Variants in AIMP1 observed in about 807,000 individuals in gnomAD.
AIMP1 encodes aminoacyl tRNA synthetase complex interacting multifunctional protein 1.
Under a neutral mutation model 33.1 loss-of-function variants are expected in AIMP1, and 24 were observed. The observed-to-expected ratio is 0.73, with a 90% CI of 0.53 to 1.02. The LOEUF is 1.02. Ranked by LOEUF, AIMP1 falls within the 50% of genes least tolerant of loss-of-function variation. The pLI, the probability that AIMP1 is intolerant of heterozygous loss-of-function variation, is 0.00. For synonymous variants in AIMP1, 120 were observed against 121.5 expected (o/e 0.99, Z 0.08); for missense variants, 367 against 364.8 (o/e 1.01, Z -0.05).
At chr4:106,338,297 G>A (rs1369081808) in intron 6 of AIMP1, among the ~76,000 whole-genome samples, 1 of 152,214 alleles carries the variant, frequency 6.6e-6, no homozygotes, top group Non-Finnish European at 1.5e-5. Flanking sequence ...TGTCTCCAGG[G>A]CATTTCAAAG....
Position 106,324,457 on chromosome 4 carries a change from T to A in AIMP1, c.-25-528T>A, listed in dbSNP as rs577748291. On this transcript the variant is annotated intron_variant, in intron 1 of 6. Coordinates refer to ENST00000672341, the MANE Select transcript of AIMP1 (RefSeq NM_001142416.2). ...TTAAAATAAAGACAACGGTATATAC[T>A]GACATTATATCTGAACAAGCATATG... 2.6e-5 allele frequency among the ~76,000 whole-genome samples: 4 copies of A among 152,180 alleles called. No individual in the cohort carries two copies. The South Asian group carries it at 8.3e-4, about 32-fold the overall frequency.
chr4:106,335,642 G>T (rs972974861), intron 5 of AIMP1, among the ~76,000 whole-genome samples: 1 of 152,028 alleles, frequency 6.6e-6, no homozygotes, highest in African/African-American at 2.4e-5. Flanking sequence ...TCTCATATAC[G>T]TGACATTGTC....
chr4:106,332,150 T>G (rs577959420), intron 5 of AIMP1, among the ~76,000 whole-genome samples: 1 of 152,260 alleles, frequency 6.6e-6, no homozygotes, highest in Non-Finnish European at 1.5e-5. Flanking sequence ...ATTTTTACTT[T>G]TGTATTTTGC....
upstream of AIMP1, chr4:106,316,348 C>A: frequency 1.7e-6 from 1 of 576,056 alleles, no homozygotes; most frequent in Admixed American, 2.6e-5. Context: ...GAAAGAGGTG[C>A]GGGGGGACGG....
At chr4:106,346,168 CTTATA>C (rs755350594) in intron 6 of AIMP1, among the ~76,000 whole-genome samples, 1 of 151,936 alleles carries the variant, frequency 6.6e-6, no homozygotes, top group Non-Finnish European at 1.5e-5. Flanking sequence ...AGCTATTGAA[CTTATA>C]TTAAACTTTA....
chr4:106,320,431 G>T (rs969706614), intron 1 of AIMP1, among the ~76,000 whole-genome samples: 3 of 152,136 alleles, frequency 2.0e-5, no homozygotes, highest in Non-Finnish European at 4.4e-5. Context: ...TAAAGTTGGG[G>T]TCATGAACTT....
chr4:106,327,470 G>T lies in AIMP1; in HGVS notation c.129G>T (p.Arg43Ser). Reference sequence around the variant, plus strand: ...TCCTAGTTTTGCAGGCAACTTTGAGGGAAGAGAAGAAACTTCGAGTTGAAA... The same window carrying T: ...TCCTAGTTTTGCAGGCAACTTTGAGTGAAGAGAAGAAACTTCGAGTTGAAA... ...KEKAILQATL[R>S]EEKKLRVENA... The change falls in exon 3 of 7, where the codon AGG becomes AGT. Residue 43 changes from arginine (R) to serine (S), a missense_variant. Coordinates refer to ENST00000672341, the MANE Select transcript of AIMP1 (RefSeq NM_001142416.2). 1 of 1,612,286 alleles carries T rather than the reference G, an allele frequency of 6.2e-7. No individual in the cohort carries two copies. Among genetic ancestry groups the T allele is most frequent in the South Asian group, 1.1e-5 (1 of 91,012 alleles).
chr4:106,343,939 C>G (rs1463205889), intron 6 of AIMP1, among the ~76,000 whole-genome samples: 1 of 151,994 alleles, frequency 6.6e-6, no homozygotes, highest in Non-Finnish European at 1.5e-5. Context: ...ATTAAAAATC[C>G]AAATTGTCTA....
At chr4:106,324,900 C>G in intron 1 of AIMP1, 85 bp from the exon 2 acceptor site, 1 of 1,124,770 alleles carries the variant, frequency 8.9e-7, no homozygotes, top group Non-Finnish European at 1.2e-6. Flanking sequence ...AAATGTTTTT[C>G]CTTTCAGACT....
At chr4:106,318,963 A>T (rs2125917965) in intron 1 of AIMP1, among the ~76,000 whole-genome samples, 1 of 152,302 alleles carries the variant, frequency 6.6e-6, no homozygotes, top group East Asian at 1.9e-4. Flanking sequence ...CATAATGTAC[A>T]TAAAATAATA....
At position 106,337,012 on chromosome 4, in the gene AIMP1, C is replaced by T. The variant is rs1180284990; in HGVS notation, c.747C>T (p.Asp249=). 1.2e-6 allele frequency: 2 copies of T among 1,614,016 alleles called. No individual in the cohort carries two copies. Among genetic ancestry groups the T allele is most frequent in the Non-Finnish European group, 1.7e-6 (2 of 1,179,918 alleles). ...LAPPNGSVPG[D]RITFDAFPGE... ...CTCCAAATGGGTCTGTTCCTGGAGA[C>T]AGAATTACTTTTGATGCTTTCCCAG... The change falls in exon 6 of 7, where the codon GAC becomes GAT. Residue 249 remains aspartate (D), a synonymous_variant. Coordinates refer to ENST00000672341, the MANE Select transcript of AIMP1 (RefSeq NM_001142416.2).
intron 6 of AIMP1, among the ~76,000 whole-genome samples, chr4:106,341,101 T>G (rs751788244): frequency 8.5e-5 from 13 of 152,186 alleles, no homozygotes; most frequent in Non-Finnish European, 1.3e-4. Flanking sequence ...TTAATGGAGT[T>G]ATTTGTTTTT....
Position 106,325,059 on chromosome 4 carries a change from A to G in AIMP1, c.50A>G (p.Glu17Gly). Residue 17 changes from glutamate (E) to glycine (G), a missense_variant, in exon 2 of 7, where the codon GAG becomes GGG. Transcript: ENST00000672341. ...VLKRLEQKGA[E>G]ADQIIEYLKQ... The stretch of plus-strand genomic sequence containing the variant: ...AAGAGACTGGAGCAGAAGGGTGCAG[A>G]GGCAGATCAAATCATTGAATATCTT... The G allele has an allele frequency of 6.2e-7, 1 of 1,613,294 alleles. No individual in the cohort carries two copies. The highest frequency in any genetic ancestry group is 8.5e-7 in the Non-Finnish European group (1 of 1,179,466).
At chr4:106,347,467 C>T (rs1056235461) in intron 6 of AIMP1, 59 bp from the exon 7 acceptor site, 3 of 1,503,960 alleles carry the variant, frequency 2.0e-6, no homozygotes, top group Admixed American at 3.8e-5. Flanking sequence ...TGAATAGTCT[C>T]TTTAATATTT....
chr4:106,326,714 T>C (rs1314172815), intron 2 of AIMP1, among the ~76,000 whole-genome samples: 1 of 152,034 alleles, frequency 6.6e-6, no homozygotes, highest in Non-Finnish European at 1.5e-5. Context: ...TAAAAATATA[T>C]ATATAATTTA....
intron 5 of AIMP1, among the ~76,000 whole-genome samples, chr4:106,332,629 ATACATATATATATAAGTT>A (rs1260104187): frequency 6.7e-6 from 1 of 148,680 alleles, no homozygotes; most frequent in Non-Finnish European, 1.5e-5. Flanking sequence ...ATATATATAT[ATACATATATATATAAGTT>A]GGTTCACTTT....
At chr4:106,316,287 GGT>G, upstream of AIMP1, 1 of 405,420 alleles carries the variant, frequency 2.5e-6, no homozygotes, top group South Asian at 4.2e-5. Flanking sequence ...CCCGACTTGT[GGT>G]GTCCTTCCCC....
intron 5 of AIMP1, among the ~76,000 whole-genome samples, chr4:106,334,663 T>C (rs769562346): frequency 7.2e-5 from 11 of 152,160 alleles, no homozygotes; most frequent in Non-Finnish European, 1.3e-4. Flanking sequence ...ATTTAGTATG[T>C]TAAATAGTGA....
chr4:106,345,566 G>A (rs1179792571), intron 6 of AIMP1, among the ~76,000 whole-genome samples: 1 of 151,940 alleles, frequency 6.6e-6, no homozygotes, highest in East Asian at 1.9e-4. Context: ...CGTCCTTAAA[G>A]GAGTAGGAGA....
Sources: gnomAD v4.1 joint callset for allele counts (sites outside exome capture counted in the v4.1 genomes callset) on GRCh38, gnomAD v4.1.1 for gene constraint, MANE v1.5 for transcripts, NCBI Gene and HGNC (gene_info 2026-07-23, HGNC 2026-07-21) for gene names.